RBM34: variants seen among roughly 807,000 people sequenced by gnomAD.
RBM34 encodes RNA-binding protein 34.
A neutral mutation model predicts 44.6 loss-of-function variants in RBM34; 39 were observed. The observed-to-expected ratio is 0.87, with a 90% CI of 0.68 to 1.14. The LOEUF (loss-of-function observed/expected upper bound fraction) is 1.14, where lower values mean the gene tolerates loss of function less well. RBM34 is among the 50% of genes most tolerant of loss of function. The pLI, the probability that RBM34 is intolerant of heterozygous loss-of-function variation, is 0.00. For missense variants in RBM34, 572 were observed against 517.9 expected (o/e 1.10, Z -1.01); for synonymous variants, 194 against 184.0 (o/e 1.05, Z -0.44).
At chr1:235,144,709 T>A (rs1661831271) in intron 6 of RBM34, among the ~76,000 whole-genome samples, 1 of 152,084 alleles carries the variant, frequency 6.6e-6, no homozygotes, top group African/African-American at 2.4e-5. Context: ...ACTGAGTCAC[T>A]GCACTTCTGC....
At chr1:235,138,786 C>T (rs1390099342) in intron 6 of RBM34, among the ~76,000 whole-genome samples, 1 of 150,356 alleles carries the variant, frequency 6.7e-6, no homozygotes, top group Non-Finnish European at 1.5e-5. Flanking sequence ...TACTTTTGAC[C>T]TGATATGTCT....
intron 6 of RBM34, among the ~76,000 whole-genome samples, chr1:235,146,551 A>AT (rs1328554429): frequency 1.3e-5 from 2 of 152,226 alleles, no homozygotes; most frequent in Non-Finnish European, 2.9e-5. Context: ...AGAAGCTTAC[A>AT]TAAGAAACTA....
chr1:235,142,717 C>A (rs1172976285), intron 6 of RBM34, among the ~76,000 whole-genome samples: 1 of 151,264 alleles, frequency 6.6e-6, no homozygotes, highest in Non-Finnish European at 1.5e-5. Context: ...CATCTGAGGT[C>A]AGGAGTTCGA....
chr1:235,148,262 A>T, intron 6 of RBM34, 142 bp downstream of exon 6: 1 of 514,434 alleles, frequency 1.9e-6, no homozygotes, highest in Non-Finnish European at 3.2e-6. Context: ...AAAGGCTCTC[A>T]AATACAGAAG....
intron 4 of RBM34, among the ~76,000 whole-genome samples, chr1:235,154,169 C>A (rs552738116): frequency 6.6e-6 from 1 of 151,440 alleles, no homozygotes; most frequent in Non-Finnish European, 1.5e-5. Flanking sequence ...GGGTGTGAAC[C>A]CAGGAGGCGG....
At chr1:235,146,265 G>C (rs1265265718) in intron 6 of RBM34, among the ~76,000 whole-genome samples, 6 of 152,078 alleles carry the variant, frequency 3.9e-5, no homozygotes, top group Non-Finnish European at 5.9e-5. Flanking sequence ...ATTTGTAATG[G>C]TCATGAGACT....
At position 235,135,290 on chromosome 1, in the gene RBM34, A is replaced by G. The variant is rs1299720195; in HGVS notation, c.1008+362T>C. On this transcript the variant is annotated intron_variant, in intron 10 of 10. Transcript: ENST00000408888. ...GTGGCCCAGGCTGGAGTGCAGTGGCACGATCTCGGCTCACTGCAACCTCCA... is the reference window on the plus strand; with the variant it reads ...GTGGCCCAGGCTGGAGTGCAGTGGCGCGATCTCGGCTCACTGCAACCTCCA... Among the ~76,000 whole-genome samples, 26 of 144,588 alleles carry G rather than the reference A, an allele frequency of 1.8e-4. 1 individual carries two copies. In the Middle Eastern group the frequency reaches 0.011, roughly 64 times the overall value. 94.9% of individuals were successfully genotyped at this position (144,588 alleles called of 152,430 possible). A position where few individuals can be genotyped will look rare whatever the true frequency, so the allele number is the denominator to read the frequency against.
At chr1:235,159,392 A>G (rs1163024761) in intron 3 of RBM34, among the ~76,000 whole-genome samples, 3 of 151,760 alleles carry the variant, frequency 2.0e-5, no homozygotes, top group Non-Finnish European at 4.4e-5. Context: ...TCTACTAAGA[A>G]TACAAAAATC....
intron 6 of RBM34, 106 bp from the exon 7 acceptor site, chr1:235,138,280 A>G: frequency 2.6e-6 from 2 of 772,678 alleles, no homozygotes; most frequent in Non-Finnish European, 4.1e-6. Flanking sequence ...CTTAACACAC[A>G]TGACAAGAAT....
At position 235,154,257 on chromosome 1, in the gene RBM34, AAG is replaced by A. The variant is rs199539335; in HGVS notation, c.597+622_597+623del. ...CGAGACTCTGTCTCAAAAAAAAAAAAAGAGAGAGAGAGACAGAATGATGAAAA... is the reference window on the plus strand; with the variant it reads ...CGAGACTCTGTCTCAAAAAAAAAAAAAGAGAGAGAGACAGAATGATGAAAA... On this transcript the variant is annotated intron_variant, in intron 4 of 10. Transcript: ENST00000408888. 4.5e-3 allele frequency among the ~76,000 whole-genome samples: 665 copies of A among 148,370 alleles called. 6 individuals are homozygous for A. The highest frequency in any genetic ancestry group is 0.013 in the African/African-American group (516 of 39,826).
intron 3 of RBM34, 80 bp downstream of exon 3, chr1:235,160,431 A>G (rs1253315830): frequency 2.0e-6 from 3 of 1,488,942 alleles, no homozygotes; most frequent in Non-Finnish European, 2.8e-6. Context: ...ATATGAAATA[A>G]AACTGACGAA....
At chr1:235,156,253 C>G (rs747450790) in intron 3 of RBM34, among the ~76,000 whole-genome samples, 1 of 152,114 alleles carries the variant, frequency 6.6e-6, no homozygotes, top group Non-Finnish European at 1.5e-5. Flanking sequence ...ATTCGCCCAC[C>G]TCAGCCTCCC....
chr1:235,154,335 G>A (rs1662303262), intron 4 of RBM34, among the ~76,000 whole-genome samples: 1 of 151,860 alleles, frequency 6.6e-6, no homozygotes, highest in Non-Finnish European at 1.5e-5. Context: ...ACCTTGGGAG[G>A]CTAAGGAGGG....
chr1:235,160,368 C>A, intron 3 of RBM34, 143 bp downstream of exon 3: 1 of 1,142,048 alleles, frequency 8.8e-7, no homozygotes. Context: ...GCCTTTTCAA[C>A]TTTTCTATAT....
chr1:235,159,744 G>A (rs1572173019), intron 3 of RBM34, among the ~76,000 whole-genome samples: 1 of 150,260 alleles, frequency 6.7e-6, no homozygotes. Context: ...GGTGGCACCT[G>A]TAATCTCAGC....
intron 3 of RBM34, 72 bp downstream of exon 3, chr1:235,160,439 G>A (rs535835019): frequency 8.4e-5 from 125 of 1,481,478 alleles, no homozygotes; most frequent in African/African-American, 2.1e-4. Context: ...TAAAACTGAC[G>A]AATATTCCAA....
At chr1:235,160,323 A>T in intron 3 of RBM34, 188 bp downstream of exon 3, 1 of 757,894 alleles carries the variant, frequency 1.3e-6, no homozygotes, top group Middle Eastern at 2.2e-4. Context: ...GCCAAATATT[A>T]GTAATTGCTG....
chr1:235,152,704 A>G lies in RBM34; in HGVS notation c.657+2T>C, dbSNP rs765495261. 2.9e-5 allele frequency: 47 copies of G among 1,600,696 alleles called. No homozygotes were observed. Among genetic ancestry groups the G allele is most frequent in the Non-Finnish European group, 3.8e-5 (45 of 1,173,608 alleles). ...GTAATTTTACGGGGGAATGAAACAT[A>G]CCAGAGAACGAAATCGTACAGATTC... On this transcript the variant is annotated splice_donor_variant, in intron 5 of 10. Coordinates refer to ENST00000408888, the MANE Select transcript of RBM34 (RefSeq NM_015014.4). LOFTEE classifies it high-confidence loss of function.
At chr1:235,160,820 CGGTA>C in intron 2 of RBM34, 69 bp downstream of exon 2, 2 of 1,564,214 alleles carry the variant, frequency 1.3e-6, no homozygotes, top group Non-Finnish European at 1.7e-6. Context: ...ACGCTTCACG[CGGTA>C]GGTAAGAAGA....
Sources: gnomAD v4.1 joint callset for allele counts (sites outside exome capture counted in the v4.1 genomes callset) on GRCh38, gnomAD v4.1.1 for gene constraint, MANE v1.5 for transcripts, NCBI Gene and HGNC (gene_info 2026-07-23, HGNC 2026-07-21) for gene names.